TBX2: variants seen among roughly 807,000 people sequenced by gnomAD.
The protein encoded by TBX2 is T-box transcription factor TBX2.
A neutral mutation model predicts 48.4 loss-of-function variants in TBX2; 19 were observed. The ratio of observed to expected loss-of-function variants is 0.39; its 90% confidence interval spans 0.27 to 0.58. The LOEUF is 0.58. TBX2 is among the 20% of genes least tolerant of loss of function. The probability of loss-of-function intolerance (pLI) is 0.54; values close to 1 mark genes in which losing one functional copy is unlikely to be tolerated. For synonymous variants in TBX2, 522 were observed against 459.7 expected (o/e 1.14, Z -1.73); for missense variants, 994 against 1,006.5 (o/e 0.99, Z 0.17).
chr17:61,405,122 G>A, intron 5 of TBX2, 80 bp from the exon 6 acceptor site: 2 of 1,490,322 alleles, frequency 1.3e-6, no homozygotes, highest in East Asian at 2.5e-5. Context: ...CTCCCCGAGA[G>A]CAGCCCTTCC....
In TBX2 at chr17:61,400,392, G is replaced by A. The variant is rs1461538957; in HGVS notation, c.216G>A (p.Glu72=). The A allele has an allele frequency of 3.4e-5, 43 of 1,275,498 alleles. No individual in the cohort carries two copies. The highest frequency in any genetic ancestry group is 4.2e-5 in the Non-Finnish European group (42 of 1,001,598). 79.0% of individuals were successfully genotyped at this position (1,275,498 alleles called of 1,614,324 possible). A position where few individuals can be genotyped will look rare whatever the true frequency, so the allele number is the denominator to read the frequency against. ...CGGCGGCGGCGGCAGCAGCGGCCGA[G>A]GCGGGGCTGCACGTCTCGGCACTGG... ...AAAAAAAAAA[E]AGLHVSALGP... Residue 72 remains glutamate, a synonymous_variant, in exon 1 of 7, where the codon GAG becomes GAA. Transcript: ENST00000240328. This position sits in a 1 kb window ranked among gnomAD's most constrained non-coding sequence, Gnocchi z 9.2.
Position 61,400,459 on chromosome 17 carries a change from C to T in TBX2, c.283C>T (p.Leu95=), listed in dbSNP as rs1244613740. The T allele has an allele frequency of 6.3e-7, 1 of 1,597,736 alleles. No individual in the cohort carries two copies. The highest frequency in any genetic ancestry group is 8.5e-7 in the Non-Finnish European group (1 of 1,173,582). The stretch of plus-strand genomic sequence containing the variant: ...CGCGCATCTGCGCTCCCTCAAGAGC[C>T]TGGAGCCCGAGGACGAGGTGGAGGA... ...PAAHLRSLKS[L]EPEDEVEDDP... is the part of the protein sequence containing the mutation. Residue 95 remains leucine (L), a synonymous_variant, in exon 1 of 7, where the codon CTG becomes TTG. Coordinates refer to ENST00000240328, the MANE Select transcript of TBX2 (RefSeq NM_005994.4). This position sits in a 1 kb window ranked among gnomAD's most constrained non-coding sequence, Gnocchi z 9.2.
chr17:61,402,158 T>C (rs1037561372), intron 2 of TBX2, among the ~76,000 whole-genome samples: 1 of 151,950 alleles, frequency 6.6e-6, no homozygotes, highest in Non-Finnish European at 1.5e-5. Flanking sequence ...TGGGAAATGG[T>C]GGGGTCAGTG....
At position 61,408,358 on chromosome 17, in the gene TBX2, TC is replaced by T. The variant is rs757537787; in HGVS notation, c.1993del (p.Arg665AlafsTer3). ...REPSPLPELA[L>X]RKVGAPSRGA... ...CCTAGCCCCCTGCCCGAGCTGGCTC[TC>T]CGCAAAGTAGGGGCCCCATCCCGCG... On this transcript the variant is annotated frameshift_variant, in exon 7 of 7. Transcript: ENST00000240328. LOFTEE classifies it high-confidence loss of function. 99 of 1,588,902 alleles carry T rather than the reference TC, an allele frequency of 6.2e-5. No individual in the cohort carries two copies. Among genetic ancestry groups the T allele is most frequent in the Non-Finnish European group, 7.0e-5 (82 of 1,168,942 alleles).
chr17:61,401,208 C>A lies in TBX2; in HGVS notation c.396-476C>A, dbSNP rs578012859. On this transcript the variant is annotated intron_variant, in intron 1 of 6. Coordinates refer to ENST00000240328, the MANE Select transcript of TBX2 (RefSeq NM_005994.4). ...CCGAGAATCCAGGCCTCGGGTTCAC[C>A]CTCTTCCCCCGAACTGCACGGCCAG... Among the ~76,000 whole-genome samples the A allele has an allele frequency of 1.2e-4, 18 of 152,246 alleles. No homozygotes were observed. The East Asian group carries it at 3.5e-3, about 29-fold the overall frequency.
chr17:61,405,422 G>T lies in TBX2; in HGVS notation c.1272G>T (p.Lys424Asn). The change falls in exon 6 of 7, where the codon AAG becomes AAT. Residue 424 changes from lysine to asparagine, a missense_variant. Physicochemically the swap from Lys to Asn is moderately conservative, Grantham distance 94. Coordinates refer to ENST00000240328, the MANE Select transcript of TBX2 (RefSeq NM_005994.4). ...DGPFGLRSLE[K>N]ERAEARRKDE... is the part of the protein sequence containing the mutation. ...CGTTCGGCCTGAGGAGCCTGGAGAAGGAGCGCGCCGAAGCTCGGAGGAAGG... is the reference window on the plus strand; with the variant it reads ...CGTTCGGCCTGAGGAGCCTGGAGAATGAGCGCGCCGAAGCTCGGAGGAAGG... The T allele has an allele frequency of 6.4e-7, 1 of 1,552,598 alleles. No individual in the cohort carries two copies. Among genetic ancestry groups the T allele is most frequent in the South Asian group, 1.2e-5 (1 of 84,674 alleles).
chr17:61,404,539 G>A, intron 4 of TBX2, 42 bp downstream of exon 4: 1 of 1,589,140 alleles, frequency 6.3e-7, no homozygotes, highest in Non-Finnish European at 8.6e-7. Context: ...GGTGCCCGCG[G>A]GAGCAGCGAG....
In TBX2 at chr17:61,408,181, C is replaced by A; in HGVS notation, c.1814C>A (p.Ser605Tyr). The stretch of plus-strand genomic sequence containing the variant: ...GCTGCCGCCGCCGCAGCCGCCGGCT[C>A]CCTCTCCCGGAGCCCCTTCCTGGGC... ...AAAAAAAAAG[S>Y]LSRSPFLGSA... The change falls in exon 7 of 7, where the codon TCC becomes TAC. Residue 605 changes from serine to tyrosine, a missense_variant. By Grantham distance (144) the Ser-to-Tyr change is moderately radical. Transcript: ENST00000240328. 1 of 1,612,778 alleles carries A rather than the reference C, an allele frequency of 6.2e-7. No homozygotes were observed. Among genetic ancestry groups the A allele is most frequent in the Non-Finnish European group, 8.5e-7 (1 of 1,179,826 alleles).
In TBX2 at chr17:61,405,644, G is replaced by T; in HGVS notation, c.1494G>T (p.Met498Ile). The T allele has an allele frequency of 1.3e-6, 2 of 1,506,386 alleles. No homozygotes were observed. The highest frequency in any genetic ancestry group is 2.5e-5 in the East Asian group (1 of 39,486). 93.3% of individuals were successfully genotyped at this position (1,506,386 alleles called of 1,614,324 possible). The change falls in exon 6 of 7, where the codon ATG (methionine) becomes ATT (isoleucine). Residue 498 changes from methionine (M) to isoleucine (I), a missense_variant. By Grantham distance (10) the Met-to-Ile change is conservative (BLOSUM62 1). Transcript: ENST00000240328. The stretch of plus-strand genomic sequence containing the variant: ...TCCTGCACCCTGGACAGTTCACCAT[G>T]GGCCCTGGCGCCTTCTCCGCCATGG... Reference protein sequence around the residue: ...PLFLHPGQFTMGPGAFSAMGM... With the variant: ...PLFLHPGQFTIGPGAFSAMGM...
chr17:61,408,797 G>T lies in TBX2; in HGVS notation c.*291G>T. 1 of 346,060 alleles carries T rather than the reference G, an allele frequency of 2.9e-6. No homozygotes were observed. The highest frequency in any genetic ancestry group is 5.2e-6 in the Non-Finnish European group (1 of 194,080). 21.4% of individuals were successfully genotyped at this position (346,060 alleles called of 1,614,324 possible). A position where few individuals can be genotyped will look rare whatever the true frequency, so the allele number is the denominator to read the frequency against. The stretch of plus-strand genomic sequence containing the variant: ...TGTCTCTGGTCTTCCAGCGAGGTGG[G>T]AGAGGCCTCATCCAGGGCCCAGCGG... On this transcript the variant is annotated 3_prime_UTR_variant, in exon 7 of 7. Transcript: ENST00000240328.
At position 61,408,339 on chromosome 17, in the gene TBX2, C is replaced by G. The variant is rs765906139; in HGVS notation, c.1972C>G (p.Pro658Ala). ...AAGGNSREPS[P>A]LPELALRKVG... is the part of the protein sequence containing the mutation. ...TGGTGGAAACAGCCGGGAGCCTAGC[C>G]CCCTGCCCGAGCTGGCTCTCCGCAA... The change falls in exon 7 of 7, where the codon CCC becomes GCC. Residue 658 changes from proline (P) to alanine (A), a missense_variant. Physicochemically the swap from Pro to Ala is conservative, Grantham distance 27. Coordinates refer to ENST00000240328, the MANE Select transcript of TBX2 (RefSeq NM_005994.4). 1.2e-6 allele frequency: 2 copies of G among 1,602,706 alleles called. No individual in the cohort carries two copies. Among genetic ancestry groups the G allele is most frequent in the Non-Finnish European group, 1.7e-6 (2 of 1,175,534 alleles).
chr17:61,405,562 C>G lies in TBX2; in HGVS notation c.1412C>G (p.Ser471Cys), dbSNP rs144548309. 472 of 1,599,882 alleles carry G rather than the reference C, an allele frequency of 3.0e-4. No individual in the cohort carries two copies. Among genetic ancestry groups the G allele is most frequent in the Non-Finnish European group, 3.7e-4 (440 of 1,176,632 alleles). The change falls in exon 6 of 7, where the codon TCC becomes TGC. Residue 471 changes from serine to cysteine, a missense_variant. Coordinates refer to ENST00000240328, the MANE Select transcript of TBX2 (RefSeq NM_005994.4). ...GAGHLPGLAF[S>C]SHLHGQQFFG... ...GGACACCTGCCCGGCCTGGCCTTTTCCAGCCACTTGCACGGGCAGCAGTTC... is the reference window on the plus strand; with the variant it reads ...GGACACCTGCCCGGCCTGGCCTTTTGCAGCCACTTGCACGGGCAGCAGTTC...
rs779075457 is a variant in TBX2 at position 61,404,512 on chromosome 17, ACAGCAGCC to A, written c.887+17_887+24del. 18 of 1,609,754 alleles carry A rather than the reference ACAGCAGCC, an allele frequency of 1.1e-5. No individual in the cohort carries two copies. The South Asian group carries it at 1.9e-4, about 17-fold the overall frequency. ...CGGGAGAAAAGGTGAGAGGCCGAGG[ACAGCAGCC>A]CTGTGGCGGGTGCCCGCGGGAGCAG... On this transcript the variant is annotated intron_variant, in intron 4 of 6. Coordinates refer to ENST00000240328, the MANE Select transcript of TBX2 (RefSeq NM_005994.4).
At chr17:61,407,766 G>A in intron 6 of TBX2, 1 of 404,546 alleles carries the variant, frequency 2.5e-6, no homozygotes, top group Non-Finnish European at 4.4e-6. Context: ...CCCGTGCTAG[G>A]GCAGTCACCT....
At chr17:61,404,964 C>T (rs2060281751) in intron 5 of TBX2, 195 bp downstream of exon 5, 2 of 1,243,926 alleles carry the variant, frequency 1.6e-6, no homozygotes, top group Non-Finnish European at 2.3e-6. Flanking sequence ...CGGCCGGACT[C>T]CGAGCCTGGC....
At position 61,403,550 on chromosome 17, in the gene TBX2, T is replaced by G. The variant is rs1214851760; in HGVS notation, c.810+343T>G. Among the ~76,000 whole-genome samples, 1 of 152,148 alleles carries G rather than the reference T, an allele frequency of 6.6e-6. No individual in the cohort carries two copies. The highest frequency in any genetic ancestry group is 2.4e-5 in the African/African-American group (1 of 41,436). On this transcript the variant is annotated intron_variant, in intron 3 of 6. Transcript: ENST00000240328. This position sits in a 1 kb window ranked among gnomAD's most constrained non-coding sequence, Gnocchi z 5.8. Reference sequence around the variant, plus strand: ...ATTTCTTGGCTCAGGAATGAGAATGTAAGTGAAGAGAGGGCGCCCGAGGCA... The same window carrying G: ...ATTTCTTGGCTCAGGAATGAGAATGGAAGTGAAGAGAGGGCGCCCGAGGCA...
Position 61,408,107 on chromosome 17 carries a change from G to A in TBX2, c.1740G>A (p.Met580Ile). 6.2e-7 allele frequency: 1 copy of A among 1,610,400 alleles called. No individual in the cohort carries two copies. Among genetic ancestry groups the A allele is most frequent in the Non-Finnish European group, 8.5e-7 (1 of 1,178,832 alleles). The part of the protein sequence containing the change: ...GGLFPYPYTY[M>I]AAAAAAASAL... Reference sequence around the variant, plus strand: ...TCTTCCCCTACCCCTACACCTACATGGCAGCAGCAGCCGCAGCCGCCTCGG... The same window carrying A: ...TCTTCCCCTACCCCTACACCTACATAGCAGCAGCAGCCGCAGCCGCCTCGG... The change falls in exon 7 of 7, where the codon ATG becomes ATA. Residue 580 changes from methionine (M) to isoleucine (I), a missense_variant. Coordinates refer to ENST00000240328, the MANE Select transcript of TBX2 (RefSeq NM_005994.4).
At position 61,403,143 on chromosome 17, in the gene TBX2, C is replaced by A; in HGVS notation, c.746C>A (p.Thr249Asn). ...GACATCCTGAAGCTGCCTTACAGCA[C>A]CTTCCGCACCTACGTGTTCCCGGAG... is the stretch of plus-strand genomic sequence containing the variant. The part of the protein sequence containing the change: ...ANDILKLPYS[T>N]FRTYVFPETD... The change falls in exon 3 of 7, where the codon ACC becomes AAC. Residue 249 changes from threonine to asparagine, a missense_variant. Thr to Asn is a moderately conservative substitution (Grantham distance 65). Coordinates refer to ENST00000240328, the MANE Select transcript of TBX2 (RefSeq NM_005994.4). The surrounding 1 kb of genome is among the most constrained non-coding windows in gnomAD (Gnocchi z 5.8). The A allele has an allele frequency of 6.2e-7, 1 of 1,613,832 alleles. No homozygotes were observed. The highest frequency in any genetic ancestry group is 8.5e-7 in the Non-Finnish European group (1 of 1,180,006).
Position 61,405,182 on chromosome 17 carries a change from C to T in TBX2, c.1052-20C>T. On this transcript the variant is annotated intron_variant, in intron 5 of 6. Transcript: ENST00000240328. ...GGCCTCCGCCCAGGCCCCTGTAATCCGCGCGCCCTCTCCCCGCAGCTGAGG... is the reference window on the plus strand; with the variant it reads ...GGCCTCCGCCCAGGCCCCTGTAATCTGCGCGCCCTCTCCCCGCAGCTGAGG... The T allele has an allele frequency of 6.8e-7, 1 of 1,478,660 alleles. No homozygotes were observed. Among genetic ancestry groups the T allele is most frequent in the Non-Finnish European group, 8.9e-7 (1 of 1,120,568 alleles). The allele number at this position is 1,478,660 out of a possible 1,614,324, so 91.6% of individuals were successfully genotyped here.
Sources: gnomAD v4.1 joint callset for allele counts (sites outside exome capture counted in the v4.1 genomes callset) on GRCh38, gnomAD v4.1.1 for gene constraint, Gnocchi (gnomAD v3.1) non-coding constraint, MANE v1.5 for transcripts, NCBI Gene and HGNC (gene_info 2026-07-23, HGNC 2026-07-21) for gene names.